Variants in GRM7 observed in about 807,000 individuals in gnomAD.
GRM7 encodes the protein glutamate metabotropic receptor 7.
A neutral mutation model predicts 84.5 loss-of-function variants in GRM7; 35 were observed. The ratio of observed to expected loss-of-function variants is 0.41; its 90% CI spans 0.32 to 0.55. GRM7 has a LOEUF of 0.55. Among genes scored for constraint, GRM7 ranks in the 20% least tolerant of loss-of-function variants. GRM7 has a pLI of 0.19. For synonymous variants in GRM7, 487 were observed against 455.1 expected (o/e 1.07, Z -0.89); for missense variants, 1,003 against 1,194.6 (o/e 0.84, Z 2.36).
At chr3:7,228,241 G>C (rs1559513519) in intron 2 of GRM7, among the ~76,000 whole-genome samples, 1 of 152,110 alleles carries the variant, frequency 6.6e-6, no homozygotes, top group African/African-American at 2.4e-5. Context: ...GCTAGGCATT[G>C]CATCAATAAA....
chr3:7,321,441 A>C (rs185252098), intron 4 of GRM7, among the ~76,000 whole-genome samples: 25 of 152,204 alleles, frequency 1.6e-4, no homozygotes, highest in African/African-American at 4.6e-4. Flanking sequence ...AGTGTAATTA[A>C]TCATGTAAAT....
At chr3:7,679,185 T>C (rs1352821663) in intron 8 of GRM7, among the ~76,000 whole-genome samples, 1 of 151,916 alleles carries the variant, frequency 6.6e-6, no homozygotes, top group Non-Finnish European at 1.5e-5. Flanking sequence ...GTTCCATACG[T>C]AGGAAAACAA....
chr3:7,484,883 T>G (rs1559354921), intron 7 of GRM7, among the ~76,000 whole-genome samples: 1 of 152,130 alleles, frequency 6.6e-6, no homozygotes, highest in Non-Finnish European at 1.5e-5. Context: ...CTTTCTGAAA[T>G]TAGGTTACAA....
At chr3:7,694,056 G>A (rs1278404016) in intron 9 of GRM7, among the ~76,000 whole-genome samples, 1 of 152,138 alleles carries the variant, frequency 6.6e-6, no homozygotes, top group South Asian at 2.1e-4. Context: ...AATGCAGGAA[G>A]AGTAGCATTC....
intron 2 of GRM7, among the ~76,000 whole-genome samples, chr3:7,263,673 C>T (rs1022926884): frequency 6.6e-6 from 1 of 152,158 alleles, no homozygotes; most frequent in Non-Finnish European, 1.5e-5. Flanking sequence ...AGTGGCTACT[C>T]AGAGCAGAGT....
intron 2 of GRM7, among the ~76,000 whole-genome samples, chr3:7,191,702 T>C (rs1292622590): frequency 1.3e-5 from 2 of 150,676 alleles, no homozygotes; most frequent in African/African-American, 4.9e-5. Context: ...CAAGGCATGA[T>C]GGAAAATAGA....
chr3:7,206,216 G>A (rs1696234474), intron 2 of GRM7, among the ~76,000 whole-genome samples: 1 of 152,086 alleles, frequency 6.6e-6, no homozygotes, highest in Non-Finnish European at 1.5e-5. Flanking sequence ...AGGCAGATAG[G>A]GAAATCAGAA....
chr3:7,546,431 T>C (rs1693154414), intron 7 of GRM7, among the ~76,000 whole-genome samples: 1 of 152,216 alleles, frequency 6.6e-6, no homozygotes, highest in Admixed American at 6.5e-5. Flanking sequence ...GGAGCCACCT[T>C]GTGTTGAATA....
intron 1 of GRM7, among the ~76,000 whole-genome samples, chr3:7,055,863 C>T (rs751512466): frequency 6.6e-6 from 1 of 151,946 alleles, no homozygotes; most frequent in South Asian, 2.1e-4. Flanking sequence ...TATACACACT[C>T]ATGGCCCTCT....
chr3:6,878,391 G>A (rs1220565721), intron 1 of GRM7, among the ~76,000 whole-genome samples: 2 of 151,138 alleles, frequency 1.3e-5, no homozygotes, highest in Admixed American at 1.3e-4. Context: ...GTGTGTGTGT[G>A]TGTGTGTGTG....
At chr3:7,228,345 T>A (rs1462471863) in intron 2 of GRM7, among the ~76,000 whole-genome samples, 2 of 152,192 alleles carry the variant, frequency 1.3e-5, no homozygotes, top group African/African-American at 4.8e-5. Flanking sequence ...AGATATCGAT[T>A]CTCTCATAGC....
chr3:7,005,216 T>A (rs1695142801), intron 1 of GRM7, among the ~76,000 whole-genome samples: 1 of 152,152 alleles, frequency 6.6e-6, no homozygotes, highest in Admixed American at 6.5e-5. Flanking sequence ...ACTCAGTAGT[T>A]CCTCTCAGGG....
At chr3:6,926,873 A>G (rs1697317102) in intron 1 of GRM7, among the ~76,000 whole-genome samples, 2 of 152,236 alleles carry the variant, frequency 1.3e-5, no homozygotes, top group African/African-American at 4.8e-5. Flanking sequence ...ATCTTTGTAC[A>G]ACATATTTAC....
chr3:7,283,059 T>C (rs2124998886), intron 2 of GRM7, among the ~76,000 whole-genome samples: 1 of 152,232 alleles, frequency 6.6e-6, no homozygotes, highest in Admixed American at 6.5e-5. Context: ...GAAACCTATT[T>C]TCACATCTTG....
intron 1 of GRM7, among the ~76,000 whole-genome samples, chr3:6,878,519 C>T (rs1695396235): frequency 6.8e-6 from 1 of 146,164 alleles, no homozygotes; most frequent in Admixed American, 6.8e-5. Context: ...GCAGCATGCA[C>T]TAGATATTTA....
intron 1 of GRM7, among the ~76,000 whole-genome samples, chr3:6,953,035 G>A (rs535019550): frequency 1.8e-4 from 27 of 152,300 alleles, no homozygotes; most frequent in African/African-American, 5.8e-4. Flanking sequence ...ATATGAGCTG[G>A]TGTAACAACA....
At chr3:6,910,831 A>T (rs17046320) in intron 1 of GRM7, among the ~76,000 whole-genome samples, 3,015 of 152,286 alleles carry the variant, frequency 0.02, 109 homozygotes, top group African/African-American at 0.069. Flanking sequence ...ATGTTTGCAG[A>T]TGGTGACAAG....
At position 7,229,726 on chromosome 3, in the gene GRM7, C is replaced by CATATAT. The variant is rs1162837346; in HGVS notation, c.737-68929_737-68924dup. ...CAACCCCGCTCTCCATAGACACACA[C>CATATAT]ATATATATATATATATATATATATA... On this transcript the variant is annotated intron_variant, in intron 2 of 9. Coordinates refer to ENST00000357716, the MANE Select transcript of GRM7 (RefSeq NM_000844.4). Among the ~76,000 whole-genome samples the CATATAT allele has an allele frequency of 2.6e-3, 74 of 28,570 alleles. 1 individual carries two copies. The highest frequency in any genetic ancestry group is 3.8e-3 in the Non-Finnish European group (62 of 16,522). The allele number at this position is 28,570 out of a possible 152,430, so 18.7% of individuals were successfully genotyped here.
At chr3:6,919,365 AT>A (rs60633616) in intron 1 of GRM7, among the ~76,000 whole-genome samples, 4,261 of 109,444 alleles carry the variant, frequency 0.039, 94 homozygotes, top group Non-Finnish European at 0.056. Flanking sequence ...TGCCTGGCTA[AT>A]TTTTTTTTTT....
Sources: allele counts gnomAD v4.1 joint callset (sites outside exome capture counted in the v4.1 genomes callset), GRCh38; gene constraint gnomAD v4.1.1; transcripts MANE v1.5; gene names NCBI Gene and HGNC (gene_info 2026-07-23, HGNC 2026-07-21).